The following SCAF1 variants were observed in gnomAD, a reference collection of about 807,000 sequenced individuals.
The protein encoded by SCAF1 is SR-related CTD associated factor 1, also known as splicing factor, arginine/serine-rich 19.
SCAF1 carries 28 observed loss-of-function variants against 91.2 expected under a neutral mutation model. The ratio of observed to expected loss-of-function variants is 0.31; its 90% CI spans 0.23 to 0.42. The LOEUF is 0.42. Among genes scored for constraint, SCAF1 ranks in the 10% least tolerant of loss-of-function variants. The probability of loss-of-function intolerance (pLI) is 1.00; values close to 1 mark genes in which losing one functional copy is unlikely to be tolerated. For synonymous variants in SCAF1, 1,036 were observed against 833.7 expected, an observed-to-expected ratio of 1.24 and a Z score of -4.18; for missense variants, 1,893 against 1,872.1, an observed-to-expected ratio of 1.01 and a Z score of -0.21.
At chr19:49,644,981 C>G (rs923919306) in intron 1 of SCAF1, 40 bp from the exon 2 acceptor site, 1 of 1,463,228 alleles carries the variant, frequency 6.8e-7, no homozygotes, top group Non-Finnish European at 9.5e-7. Flanking sequence ...ATCCTTTCTC[C>G]CGGGACCTCC....
At position 49,651,219 on chromosome 19, in the gene SCAF1, A is replaced by T; in HGVS notation, c.830A>T (p.Glu277Val). 6.2e-7 allele frequency: 1 copy of T among 1,613,008 alleles called. No individual in the cohort carries two copies. The change falls in exon 7 of 11, where the codon GAA becomes GTA. Residue 277 changes from glutamate (E) to valine (V), a missense_variant. This residue lies in a region of SCAF1 where 80 missense variants were observed against 116.6 expected (regional missense o/e 0.69). Transcript: ENST00000360565. Reference sequence around the variant, plus strand: ...GAGGAAGAGGAGGAGGAAGAGGAAGAAGAAGAGGAAGAGGAAGACGAGGAG... The same window carrying T: ...GAGGAAGAGGAGGAGGAAGAGGAAGTAGAAGAGGAAGAGGAAGACGAGGAG... ...PEEEEEEEEE[E>V]EEEEEDEEEE...
Position 49,653,526 on chromosome 19 carries a change from C to T in SCAF1, c.3137C>T (p.Thr1046Met), listed in dbSNP as rs775188545. 11 of 1,575,810 alleles carry T rather than the reference C, an allele frequency of 7.0e-6. No individual in the cohort carries two copies. The highest frequency in any genetic ancestry group is 3.5e-5 in the Admixed American group (2 of 56,920). Residue 1046 changes from threonine (T) to methionine (M), a missense_variant, in exon 7 of 11, where the codon ACG becomes ATG. Physicochemically the swap from Thr to Met is moderately conservative, Grantham distance 81. Transcript: ENST00000360565. ...EEEEQQPATT[T>M]ATSTAAAAPS... Reference sequence around the variant, plus strand: ...GAGGAGCAGCAGCCTGCTACCACCACGGCCACCAGCACTGCTGCAGCCGCC... The same window carrying T: ...GAGGAGCAGCAGCCTGCTACCACCATGGCCACCAGCACTGCTGCAGCCGCC...
At chr19:49,647,936 T>G (rs1226963351) in intron 6 of SCAF1, among the ~76,000 whole-genome samples, 1 of 149,770 alleles carries the variant, frequency 6.7e-6, no homozygotes, top group East Asian at 2.0e-4. Flanking sequence ...CCCTGCTACC[T>G]TGTTTGTTTT....
In SCAF1 at chr19:49,651,349, C is replaced by T. The variant is rs770751056; in HGVS notation, c.960C>T (p.Pro320=). ...LSQDFPGDES[P]RPDAQPTQPT... is the part of the protein sequence containing the mutation. Reference sequence around the variant, plus strand: ...AGGACTTCCCAGGTGACGAGAGCCCCCGCCCGGACGCGCAGCCCACACAGC... The same window carrying T: ...AGGACTTCCCAGGTGACGAGAGCCCTCGCCCGGACGCGCAGCCCACACAGC... Residue 320 remains proline (P), a synonymous_variant, in exon 7 of 11, where the codon CCC becomes CCT. Transcript: ENST00000360565. 1 of 1,608,618 alleles carries T rather than the reference C, an allele frequency of 6.2e-7. No individual in the cohort carries two copies. The highest frequency in any genetic ancestry group is 8.5e-7 in the Non-Finnish European group (1 of 1,179,854).
Position 49,652,188 on chromosome 19 carries a change from C to T in SCAF1, c.1799C>T (p.Ser600Leu). Residue 600 changes from serine (S) to leucine (L), a missense_variant, in exon 7 of 11, where the codon TCG becomes TTG. Ser to Leu is a moderately radical substitution (Grantham distance 145). This residue lies in a region of SCAF1 where 1,436 missense variants were observed against 1,306.8 expected (regional missense o/e 1.10). Coordinates refer to ENST00000360565, the MANE Select transcript of SCAF1 (RefSeq NM_021228.3). ...CGCCGCCGCGGGGGCAGCCGCAGGT[C>T]GCGGTCCCGGGAGAAGCGGCGACGG... The part of the protein sequence containing the change: ...TDRRRGGSRR[S>L]RSREKRRRRR... 8.1e-7 allele frequency: 1 copy of T among 1,237,282 alleles called. No homozygotes were observed. The highest frequency in any genetic ancestry group is 1.0e-6 in the Non-Finnish European group (1 of 988,070). The allele number at this position is 1,237,282 out of a possible 1,614,324, so 76.6% of individuals were successfully genotyped here. A position where few individuals can be genotyped will look rare whatever the true frequency, so the allele number is the denominator to read the frequency against.
rs373556995 is a variant in SCAF1 at position 49,653,413 on chromosome 19, C to T, written c.3024C>T (p.Pro1008=). ...SCKTPEVSFL[P]EEATEEAGVR... ...AGACACCTGAGGTCTCCTTCCTGCC[C>T]GAGGAGGCCACTGAGGAGGCTGGGG... The change falls in exon 7 of 11, where the codon CCC becomes CCT. Residue 1008 remains proline, a synonymous_variant. Transcript: ENST00000360565. 5.8e-5 allele frequency: 90 copies of T among 1,546,792 alleles called. No homozygotes were observed. Among genetic ancestry groups the T allele is most frequent in the Middle Eastern group, 3.6e-4 (2 of 5,502 alleles).
intron 9 of SCAF1, 145 bp from the exon 10 acceptor site, chr19:49,657,616 G>T: frequency 9.7e-7 from 1 of 1,035,234 alleles, no homozygotes; most frequent in Non-Finnish European, 1.4e-6. Flanking sequence ...GGGCGCATGG[G>T]ACAGACCCTC....
intron 6 of SCAF1, among the ~76,000 whole-genome samples, chr19:49,649,538 C>T (rs1268397385): frequency 6.6e-6 from 1 of 152,174 alleles, no homozygotes; most frequent in African/African-American, 2.4e-5. Flanking sequence ...TCTTGTTGCC[C>T]AGGTTGGAGT....
intron 10 of SCAF1, 124 bp downstream of exon 10, chr19:49,658,013 G>A: frequency 7.2e-7 from 1 of 1,381,822 alleles, no homozygotes; most frequent in Non-Finnish European, 9.9e-7. Context: ...GGTGAGGAGG[G>A]TGACAGGATT....
chr19:49,652,413 G>C lies in SCAF1; in HGVS notation c.2024G>C (p.Cys675Ser), dbSNP rs1267297652. The change falls in exon 7 of 11, where the codon TGT becomes TCT. Residue 675 changes from cysteine to serine, a missense_variant. By Grantham distance (112) the Cys-to-Ser change is moderately radical. Coordinates refer to ENST00000360565, the MANE Select transcript of SCAF1 (RefSeq NM_021228.3). ...CCGCCGCCCTCTGGCTCCACCTCGTGTGGTGACCGCGACAGCCGCCGCCGG... is the reference window on the plus strand; with the variant it reads ...CCGCCGCCCTCTGGCTCCACCTCGTCTGGTGACCGCGACAGCCGCCGCCGG... ...PAPPPSGSTS[C>S]GDRDSRRRGA... 3.1e-6 allele frequency: 5 copies of C among 1,594,474 alleles called. No homozygotes were observed. The highest frequency in any genetic ancestry group is 3.4e-6 in the Non-Finnish European group (4 of 1,174,622).
In SCAF1 at chr19:49,650,935, G is replaced by T; in HGVS notation, c.546G>T (p.Gly182=). The change falls in exon 7 of 11, where the codon GGG becomes GGT. Residue 182 remains glycine, a synonymous_variant. Transcript: ENST00000360565. ...ACCTCACCTTGGGCACGGGAGACGG[G>T]GGCCCTGCCCCACCCCCTGCCCCCT... is the stretch of plus-strand genomic sequence containing the variant. ...ARHLTLGTGD[G]GPAPPPAPSS... is the part of the protein sequence containing the mutation. The T allele has an allele frequency of 1.9e-6, 3 of 1,602,310 alleles. No homozygotes were observed. In the African/African-American group the frequency reaches 4.0e-5, roughly 21 times the overall value.
Position 49,646,132 on chromosome 19 carries a change from G to T in SCAF1, c.191G>T (p.Arg64Leu), listed in dbSNP as rs780587677. 1 of 1,611,856 alleles carries T rather than the reference G, an allele frequency of 6.2e-7. No homozygotes were observed. ...GATGGCTCTCGGTGTCATGGCCTTCGATGGCGGCGCTGCCGGAGTCCACGG... is the reference window on the plus strand; with the variant it reads ...GATGGCTCTCGGTGTCATGGCCTTCTATGGCGGCGCTGCCGGAGTCCACGG... ...DKDGSRCHGL[R>L]WRRCRSPRSE... The change falls in exon 4 of 11, where the codon CGA (arginine) becomes CTA (leucine). Residue 64 changes from arginine (R) to leucine (L), a missense_variant. Around this residue, in one of 5 missense-constraint regions of SCAF1, gnomAD observed 270 missense variants for 292.5 expected, o/e 0.92. Coordinates refer to ENST00000360565, the MANE Select transcript of SCAF1 (RefSeq NM_021228.3). The surrounding 1 kb of genome is among the most constrained non-coding windows in gnomAD (Gnocchi z 5.6).
upstream of SCAF1, among the ~76,000 whole-genome samples, chr19:49,641,840 C>G (rs1213885650): frequency 6.6e-6 from 1 of 152,238 alleles, no homozygotes; most frequent in Non-Finnish European, 1.5e-5. Flanking sequence ...CTCCGCCGGA[C>G]TACAATTCCC....
rs777548460 is a variant in SCAF1, at chr19:49,652,727, C to T, written c.2338C>T (p.Arg780Trp). ...RKALDGGDRD[R>W]DRDRDRDRDR... ...GGCGCTGGACGGGGGTGACCGGGAT[C>T]GGGACAGGGACAGAGATAGGGACAG... Residue 780 changes from arginine to tryptophan, a missense_variant, in exon 7 of 11, where the codon CGG becomes TGG. Arg to Trp is a moderately radical substitution (Grantham distance 101). Coordinates refer to ENST00000360565, the MANE Select transcript of SCAF1 (RefSeq NM_021228.3). The T allele has an allele frequency of 6.9e-6, 11 of 1,599,168 alleles. No homozygotes were observed. The highest frequency in any genetic ancestry group is 5.4e-5 in the African/African-American group (4 of 74,560).
In SCAF1 at chr19:49,653,692, C is replaced by T. The variant is rs371586288; in HGVS notation, c.3303C>T (p.Ser1101=). 715 of 1,570,502 alleles carry T rather than the reference C, an allele frequency of 4.6e-4. No homozygotes were observed. Among genetic ancestry groups the T allele is most frequent in the Non-Finnish European group, 5.6e-4 (653 of 1,163,898 alleles). ...CAGCTGGTGTGGACTGCACCACCAG[C>T]GGCGTCCTGGCCTGTGAGTGTCCCC... ...NLPAGVDCTT[S]GVLALTALLF... is the part of the protein sequence containing the mutation. The change falls in exon 7 of 11, where the codon AGC becomes AGT. Residue 1101 remains serine (S), a synonymous_variant. Coordinates refer to ENST00000360565, the MANE Select transcript of SCAF1 (RefSeq NM_021228.3).
chr19:49,653,878 G>A (rs2081121548), intron 7 of SCAF1, among the ~76,000 whole-genome samples, 173 bp downstream of exon 7: 1 of 152,196 alleles, frequency 6.6e-6, no homozygotes, highest in African/African-American at 2.4e-5. Flanking sequence ...TGGGTGTACT[G>A]GGAGAGAGGG....
rs1307309720 is a variant in SCAF1, at chr19:49,651,208, G to A, written c.819G>A (p.Glu273=). The part of the protein sequence containing the change: ...GTPSPEEEEE[E]EEEEEEEEED... ...CCTCACCTGAGGAGGAAGAGGAGGA[G>A]GAAGAGGAAGAAGAAGAGGAAGAGG... Residue 273 remains glutamate (E), a synonymous_variant, in exon 7 of 11, where the codon GAG becomes GAA. Transcript: ENST00000360565. 3.1e-6 allele frequency: 5 copies of A among 1,613,130 alleles called. No individual in the cohort carries two copies. The Admixed American group carries it at 6.7e-5, about 22-fold the overall frequency.
chr19:49,652,531 C>T lies in SCAF1; in HGVS notation c.2142C>T (p.Asp714=), dbSNP rs778372236. Residue 714 remains aspartate, a synonymous_variant, in exon 7 of 11, where the codon GAC becomes GAT. Transcript: ENST00000360565. The part of the protein sequence containing the change: ...TITVGRLDKS[D]PRGPSPAPAS... ...CGGTGGGCCGGCTTGACAAGTCCGA[C>T]CCCCGAGGACCCTCTCCTGCTCCGG... 1 of 1,567,442 alleles carries T rather than the reference C, an allele frequency of 6.4e-7. No homozygotes were observed. Among genetic ancestry groups the T allele is most frequent in the Non-Finnish European group, 8.7e-7 (1 of 1,155,998 alleles).
intron 1 of SCAF1, 171 bp from the exon 2 acceptor site, chr19:49,644,850 C>T: frequency 5.1e-6 from 3 of 584,714 alleles, no homozygotes; most frequent in South Asian, 4.1e-5. Context: ...TGTGCTGGGT[C>T]CAGCGCCCAC....
Sources: allele counts gnomAD v4.1 joint callset (sites outside exome capture counted in the v4.1 genomes callset), GRCh38; gene constraint gnomAD v4.1.1; regional missense constraint gnomAD v4.1.1; non-coding constraint Gnocchi (gnomAD v3.1); transcripts MANE v1.5; gene names NCBI Gene and HGNC (gene_info 2026-07-23, HGNC 2026-07-21).